MIPOL1: variants seen among roughly 807,000 people sequenced by gnomAD.
MIPOL1 encodes mirror-image polydactyly 1, also known as mirror-image polydactyly gene 1 protein.
MIPOL1 carries 57 observed loss-of-function variants against 60.9 expected under a neutral mutation model. That is an observed-to-expected ratio of 0.94 (90% CI 0.76 to 1.17). The LOEUF is 1.17. MIPOL1 is among the 50% of genes most tolerant of loss of function. The probability of loss-of-function intolerance (pLI) is 0.00; values close to 1 mark genes in which losing one functional copy is unlikely to be tolerated. For missense variants in MIPOL1, 551 were observed against 511.6 expected, an observed-to-expected ratio of 1.08 and a Z score of -0.74; for synonymous variants, 179 against 168.8, an observed-to-expected ratio of 1.06 and a Z score of -0.47.
intron 10 of MIPOL1, among the ~76,000 whole-genome samples, chr14:37,384,014 A>G (rs1333192515): frequency 6.6e-6 from 1 of 151,912 alleles, no homozygotes; most frequent in Non-Finnish European, 1.5e-5. Flanking sequence ...TAAACCAACA[A>G]AAGCAAGGAA....
chr14:37,319,955 A>C (rs1170838034), intron 9 of MIPOL1, among the ~76,000 whole-genome samples: 1 of 152,014 alleles, frequency 6.6e-6, no homozygotes, highest in East Asian at 1.9e-4. Context: ...CTGTATGTTG[A>C]TCTGTATTGT....
Position 37,399,566 on chromosome 14 carries a change from A to G in MIPOL1, c.937-23289A>G, listed in dbSNP as rs2093442300. Among the ~76,000 whole-genome samples, 4 of 152,186 alleles carry G rather than the reference A, an allele frequency of 2.6e-5. No individual in the cohort carries two copies. The South Asian group carries it at 8.3e-4, about 32-fold the overall frequency. On this transcript the variant is annotated intron_variant, in intron 10 of 12. Coordinates refer to ENST00000684589, the MANE Select transcript of MIPOL1 (RefSeq NM_001388067.1). ...ATGGTGATAATATTCACAATGTTAA[A>G]AATTAAACTAGCACTCTTTTGATAC...
At chr14:37,360,005 G>C (rs1390644977) in intron 9 of MIPOL1, among the ~76,000 whole-genome samples, 3 of 152,060 alleles carry the variant, frequency 2.0e-5, no homozygotes, top group Non-Finnish European at 4.4e-5. Flanking sequence ...TCAATGTCTA[G>C]TTCATTGTGA....
intron 11 of MIPOL1, among the ~76,000 whole-genome samples, chr14:37,484,188 C>A (rs1277029057): frequency 6.6e-6 from 1 of 152,192 alleles, no homozygotes; most frequent in African/African-American, 2.4e-5. Flanking sequence ...TGTGGGTTTT[C>A]CCCATTTGGA....
chr14:37,526,008 A>T (rs978968529), intron 12 of MIPOL1, among the ~76,000 whole-genome samples: 4 of 152,176 alleles, frequency 2.6e-5, no homozygotes, highest in Non-Finnish European at 5.9e-5. Context: ...AAAGTAGAGG[A>T]TACTCTTAAT....
At chr14:37,278,667 T>C (rs1206192394) in intron 6 of MIPOL1, 2 of 151,900 alleles carry the variant, frequency 1.3e-5, no homozygotes, top group African/African-American at 4.8e-5. Context: ...TGGATTCTTT[T>C]TCCTGTGAAA....
At chr14:37,327,212 G>A (rs895352825) in intron 9 of MIPOL1, among the ~76,000 whole-genome samples, 3 of 152,154 alleles carry the variant, frequency 2.0e-5, no homozygotes, top group Non-Finnish European at 4.4e-5. Context: ...TATGCAGTGT[G>A]TGGAAGAAAT....
At position 37,501,562 on chromosome 14, in the gene MIPOL1, A is replaced by G. The variant is rs547381021; in HGVS notation, c.1262+1424A>G. 3.9e-5 allele frequency: 6 copies of G among 152,346 alleles called. No homozygotes were observed. In the East Asian group the frequency reaches 1.2e-3, roughly 29 times the overall value. 9.4% of individuals were successfully genotyped at this position (152,346 alleles called of 1,614,324 possible). On this transcript the variant is annotated intron_variant, in intron 12 of 12. Coordinates refer to ENST00000684589, the MANE Select transcript of MIPOL1 (RefSeq NM_001388067.1). ...CATTTCATTTAAAAAAACAATTTTTATACACCAAGAAGTAGAAATAATATC... is the reference window on the plus strand; with the variant it reads ...CATTTCATTTAAAAAAACAATTTTTGTACACCAAGAAGTAGAAATAATATC...
intron 11 of MIPOL1, among the ~76,000 whole-genome samples, chr14:37,441,132 T>C (rs2094238361): frequency 6.6e-6 from 1 of 151,926 alleles, no homozygotes; most frequent in South Asian, 2.1e-4. Context: ...GTTATGTGAG[T>C]TTCTTGCCCT....
At chr14:37,216,062 CAAA>C (rs71449980) in intron 1 of MIPOL1, among the ~76,000 whole-genome samples, 1 of 85,826 alleles carries the variant, frequency 1.2e-5, no homozygotes, top group African/African-American at 4.3e-5. Context: ...ACCTCCATCT[CAAA>C]AAAAAAAAAA....
chr14:37,482,882 A>C (rs182615402), intron 11 of MIPOL1, among the ~76,000 whole-genome samples: 62 of 152,280 alleles, frequency 4.1e-4, no homozygotes, highest in East Asian at 9.7e-4. Flanking sequence ...AGTATCTGTT[A>C]GGGGATTGGT....
chr14:37,437,849 T>G (rs2094186207), intron 11 of MIPOL1, among the ~76,000 whole-genome samples: 1 of 152,214 alleles, frequency 6.6e-6, no homozygotes, highest in Non-Finnish European at 1.5e-5. Flanking sequence ...AACCCATTAT[T>G]ATTATAATCC....
chr14:37,283,401 C>T (rs1254980305), intron 6 of MIPOL1, among the ~76,000 whole-genome samples: 1 of 151,978 alleles, frequency 6.6e-6, no homozygotes, highest in Admixed American at 6.6e-5. Flanking sequence ...CTGCACCCAG[C>T]CAATATTTTT....
At chr14:37,437,642 G>A (rs1468621542) in intron 11 of MIPOL1, among the ~76,000 whole-genome samples, 1 of 152,140 alleles carries the variant, frequency 6.6e-6, no homozygotes, top group Non-Finnish European at 1.5e-5. Context: ...CAGTAAGACA[G>A]ATGGTGCAGG....
intron 12 of MIPOL1, among the ~76,000 whole-genome samples, chr14:37,528,043 C>T (rs986274892): frequency 2.6e-5 from 4 of 151,862 alleles, no homozygotes; most frequent in East Asian, 3.9e-4. Flanking sequence ...AAGTGTTTAT[C>T]GTGATCAAAA....
intron 1 of MIPOL1, among the ~76,000 whole-genome samples, chr14:37,212,048 C>T (rs2139322389): frequency 6.6e-6 from 1 of 152,118 alleles, no homozygotes; most frequent in Middle Eastern, 3.4e-3. Context: ...GCCCTTGGGC[C>T]CTGCATAATC....
At chr14:37,445,863 T>C (rs894606554) in intron 11 of MIPOL1, among the ~76,000 whole-genome samples, 46 of 152,318 alleles carry the variant, frequency 3.0e-4, no homozygotes, top group African/African-American at 9.6e-4. Context: ...GAAAACTGGC[T>C]AGCCATATGT....
At chr14:37,263,617 G>A (rs1021863744) in intron 3 of MIPOL1, among the ~76,000 whole-genome samples, 5 of 152,116 alleles carry the variant, frequency 3.3e-5, no homozygotes, top group African/African-American at 1.2e-4. Flanking sequence ...ATTTTTTCCT[G>A]TTGTTTAACT....
Position 37,474,633 on chromosome 14 carries a change from G to A in MIPOL1, c.1032-25275G>A, listed in dbSNP as rs117233991. On this transcript the variant is annotated intron_variant, in intron 11 of 12. Transcript: ENST00000684589. The stretch of plus-strand genomic sequence containing the variant: ...TTCTTTATAAATTACCCAGTCTCAG[G>A]TATATCTTTATTAGCAGTGCAAGAA... Among the ~76,000 whole-genome samples the A allele has an allele frequency of 5.9e-3, 901 of 152,180 alleles. 10 individuals are homozygous for A. Among genetic ancestry groups the A allele is most frequent in the South Asian group, 0.031 (149 of 4,818 alleles).
Sources: gnomAD v4.1 joint callset for allele counts (sites outside exome capture counted in the v4.1 genomes callset) on GRCh38, gnomAD v4.1.1 for gene constraint, MANE v1.5 for transcripts, NCBI Gene and HGNC (gene_info 2026-07-23, HGNC 2026-07-21) for gene names.